Variants in ADAM22 observed in about 807,000 individuals in gnomAD.
ADAM22 encodes the protein disintegrin and metalloproteinase domain-containing protein 22.
In ADAM22, 65 loss-of-function variants were observed where a neutral mutation model predicts 144.6. The ratio of observed to expected loss-of-function variants is 0.45; its 90% CI spans 0.37 to 0.55. The LOEUF is 0.55. ADAM22 is among the 20% of genes least tolerant of loss of function. The probability of loss-of-function intolerance (pLI) is 0.00; values close to 1 mark genes in which losing one functional copy is unlikely to be tolerated. For synonymous variants in ADAM22, 391 were observed against 412.6 expected (o/e 0.95, Z 0.63); for missense variants, 974 against 1,184.9 (o/e 0.82, Z 2.61).
At chr7:88,076,825 G>A (rs972086871) in intron 4 of ADAM22, among the ~76,000 whole-genome samples, 3 of 152,176 alleles carry the variant, frequency 2.0e-5, no homozygotes, top group Non-Finnish European at 4.4e-5. Flanking sequence ...CTTCTGAATA[G>A]TGTTCAGACT....
intron 25 of ADAM22, among the ~76,000 whole-genome samples, chr7:88,169,963 A>G (rs1327187202): frequency 6.6e-6 from 1 of 152,036 alleles, no homozygotes; most frequent in Non-Finnish European, 1.5e-5. Flanking sequence ...GGAAAAACCT[A>G]CCTTTTAGAA....
At chr7:87,948,383 T>A (rs986129076) in intron 2 of ADAM22, among the ~76,000 whole-genome samples, 1 of 152,218 alleles carries the variant, frequency 6.6e-6, no homozygotes, top group Admixed American at 6.5e-5. Context: ...TTTTTCTTTT[T>A]TTCCATTCAT....
rs529386106 is a variant in ADAM22, at chr7:88,128,624, T to TAGA, written c.709_711dup (p.Glu237dup). ...CAGCTTCGTCGATATCCTCGTAATGTAGAAGAAGAAACCAAATACATTGAA... is the reference window on the plus strand; with the variant it reads ...CAGCTTCGTCGATATCCTCGTAATGTAGAAGAAGAAGAAACCAAATACATTGAA... On this transcript the variant is annotated inframe_insertion, in exon 9 of 32. Transcript: ENST00000413139. 171 of 1,612,022 alleles carry TAGA rather than the reference T, an allele frequency of 1.1e-4. No homozygotes were observed. In the African/African-American group the frequency reaches 1.9e-3, roughly 18 times the overall value.
At chr7:88,166,012 CT>C in intron 24 of ADAM22, 66 bp downstream of exon 24, 2 of 1,162,050 alleles carry the variant, frequency 1.7e-6, no homozygotes, top group East Asian at 2.6e-5. Context: ...TCTCTGAAAA[CT>C]TTTATTTGAG....
Position 88,114,599 on chromosome 7 carries a change from C to T in ADAM22, c.489C>T (p.Asp163=), listed in dbSNP as rs368408489. The change falls in exon 6 of 32, where the codon GAC becomes GAT. Residue 163 remains aspartate, a synonymous_variant. Coordinates refer to ENST00000413139, the MANE Select transcript of ADAM22 (RefSeq NM_001324418.2). ...TCHGLHGMFY[D]GNHTYLIEPE... ...TCGTTGGCAGTGGGATGTTCTATGA[C>T]GGGAACCACACATATCTCATTGAGC... 53 of 1,613,568 alleles carry T rather than the reference C, an allele frequency of 3.3e-5. No individual in the cohort carries two copies. Among genetic ancestry groups the T allele is most frequent in the Admixed American group, 6.7e-5 (4 of 59,972 alleles).
At chr7:88,052,930 T>A (rs1040187531) in intron 3 of ADAM22, among the ~76,000 whole-genome samples, 2 of 152,256 alleles carry the variant, frequency 1.3e-5, no homozygotes, top group Non-Finnish European at 2.9e-5. Flanking sequence ...TGGACTTTTA[T>A]GTTTTACTTC....
intron 10 of ADAM22, among the ~76,000 whole-genome samples, 153 bp downstream of exon 10, chr7:88,130,612 A>T (rs1831523472): frequency 1.3e-5 from 2 of 152,062 alleles, no homozygotes. Context: ...AATAGACTTT[A>T]TTGACTTTGA....
chr7:88,036,477 C>T (rs2129470414), intron 3 of ADAM22, among the ~76,000 whole-genome samples: 1 of 152,220 alleles, frequency 6.6e-6, no homozygotes, highest in East Asian at 1.9e-4. Context: ...CCCATTTTAT[C>T]ACCACATTTA....
At chr7:88,003,776 T>TA (rs111881071) in intron 3 of ADAM22, among the ~76,000 whole-genome samples, 8,495 of 152,220 alleles carry the variant, frequency 0.056, 753 homozygotes, top group African/African-American at 0.19. Context: ...TAAATGTTCC[T>TA]AAAAAAAGTT....
intron 3 of ADAM22, among the ~76,000 whole-genome samples, chr7:88,035,951 A>G (rs1252026286): frequency 1.3e-5 from 2 of 152,250 alleles, no homozygotes; most frequent in Non-Finnish European, 2.9e-5. Flanking sequence ...CAGGAAAAAT[A>G]TGGATCTGTT....
At position 88,170,466 on chromosome 7, in the gene ADAM22, T is replaced by A. The variant is rs534631185; in HGVS notation, c.2283-1078T>A. On this transcript the variant is annotated intron_variant, in intron 25 of 31. Transcript: ENST00000413139. ...GAATAGCAGGAATTAAAAAAAAAAATAAAGTAGAATGCTCATTTGGAACCG... is the reference window on the plus strand; with the variant it reads ...GAATAGCAGGAATTAAAAAAAAAAAAAAAGTAGAATGCTCATTTGGAACCG... 7.3e-5 allele frequency among the ~76,000 whole-genome samples: 11 copies of A among 150,844 alleles called. No homozygotes were observed. In the East Asian group the frequency reaches 9.7e-4, roughly 13 times the overall value.
At chr7:87,958,809 A>G (rs978993957) in intron 2 of ADAM22, among the ~76,000 whole-genome samples, 2 of 152,038 alleles carry the variant, frequency 1.3e-5, no homozygotes, top group African/African-American at 4.8e-5. Context: ...TGACTGGCCT[A>G]TTATGCGTTC....
chr7:87,983,085 A>G (rs1481578141), intron 3 of ADAM22, among the ~76,000 whole-genome samples: 1 of 152,092 alleles, frequency 6.6e-6, no homozygotes, highest in Non-Finnish European at 1.5e-5. Flanking sequence ...TATTTATTGT[A>G]GCTTTATAAT....
In ADAM22 at chr7:87,934,289, G is replaced by A. The variant is rs1229333579; in HGVS notation, c.-177G>A. 1 of 542,684 alleles carries A rather than the reference G, an allele frequency of 1.8e-6. No homozygotes were observed. The highest frequency in any genetic ancestry group is 2.0e-5 in the African/African-American group (1 of 49,248). 33.6% of individuals were successfully genotyped at this position (542,684 alleles called of 1,614,324 possible). On this transcript the variant is annotated 5_prime_UTR_variant, in exon 1 of 32. Coordinates refer to ENST00000413139, the MANE Select transcript of ADAM22 (RefSeq NM_001324418.2). ...CCCCGCCAGCGGAAGCGTCCGCGAA[G>A]CACAATGCAGCACTGAGCCGCGGTG...
At chr7:88,032,633 T>C (rs1315724645) in intron 3 of ADAM22, among the ~76,000 whole-genome samples, 1 of 152,158 alleles carries the variant, frequency 6.6e-6, no homozygotes, top group East Asian at 1.9e-4. Context: ...GAAAAGGACA[T>C]GAGATTCGGT....
At chr7:88,125,508 G>A in intron 7 of ADAM22, 81 bp from the exon 8 acceptor site, 1 of 869,042 alleles carries the variant, frequency 1.2e-6, no homozygotes, top group South Asian at 1.6e-5. Context: ...TTCATAAGAA[G>A]GAAGGGCAGG....
At chr7:88,092,666 A>G (rs542541347) in intron 4 of ADAM22, among the ~76,000 whole-genome samples, 1 of 152,342 alleles carries the variant, frequency 6.6e-6, no homozygotes, top group Non-Finnish European at 1.5e-5. Context: ...GGGGGGATTA[A>G]GTAAATTTTG....
At chr7:88,074,558 T>C (rs947606271) in intron 3 of ADAM22, among the ~76,000 whole-genome samples, 13 of 152,224 alleles carry the variant, frequency 8.5e-5, no homozygotes, top group South Asian at 2.1e-4. Flanking sequence ...TAATATACTT[T>C]TTGTTGTGTT....
intron 4 of ADAM22, among the ~76,000 whole-genome samples, chr7:88,107,714 A>C (rs886996804): frequency 1.3e-5 from 2 of 151,508 alleles, no homozygotes; most frequent in Non-Finnish European, 2.9e-5. Context: ...ACCTCCCAAG[A>C]GGCTAGGAAT....
Sources: allele counts gnomAD v4.1 joint callset (sites outside exome capture counted in the v4.1 genomes callset), GRCh38; gene constraint gnomAD v4.1.1; transcripts MANE v1.5; gene names NCBI Gene and HGNC (gene_info 2026-07-23, HGNC 2026-07-21).